Variants in DLG2 observed in about 807,000 individuals in gnomAD.
DLG2 encodes the protein disks large homolog 2.
Under a neutral mutation model 132.5 loss-of-function variants are expected in DLG2, and 45 were observed. The ratio of observed to expected loss-of-function variants is 0.34; its 90% CI spans 0.27 to 0.44. The LOEUF is 0.44. Among genes scored for constraint, DLG2 ranks in the 20% least tolerant of loss-of-function variants. DLG2 has a pLI of 1.00. For synonymous variants in DLG2, 424 were observed against 419.6 expected (o/e 1.01, Z -0.13); for missense variants, 1,045 against 1,196.9 (o/e 0.87, Z 1.87).
intron 8 of DLG2, among the ~76,000 whole-genome samples, chr11:84,238,324 G>T (rs2097185236): frequency 6.6e-6 from 1 of 152,074 alleles, no homozygotes; most frequent in Admixed American, 6.6e-5. Flanking sequence ...AGACCAGCCT[G>T]GGCAACATGG....
At chr11:83,781,158 C>T (rs986333592) in intron 18 of DLG2, among the ~76,000 whole-genome samples, 3 of 152,140 alleles carry the variant, frequency 2.0e-5, no homozygotes, top group African/African-American at 4.8e-5. Flanking sequence ...AGCTTACTCC[C>T]TCATTTCTTT....
chr11:83,527,719 GA>G (rs2095642895), intron 21 of DLG2, among the ~76,000 whole-genome samples: 1 of 151,520 alleles, frequency 6.6e-6, no homozygotes. Context: ...CAACATAAAA[GA>G]GACACACATT....
chr11:85,079,026 G>T (rs975807673), intron 6 of DLG2, among the ~76,000 whole-genome samples: 1 of 152,020 alleles, frequency 6.6e-6, no homozygotes, highest in African/African-American at 2.4e-5. Context: ...TGTTTTAGGG[G>T]GGGGGTCTGA....
chr11:83,576,269 C>A (rs1338090895), intron 19 of DLG2, among the ~76,000 whole-genome samples: 1 of 152,014 alleles, frequency 6.6e-6, no homozygotes, highest in Non-Finnish European at 1.5e-5. Flanking sequence ...GAGTATCAAC[C>A]AACTGTGAGA....
intron 4 of DLG2, among the ~76,000 whole-genome samples, chr11:85,259,177 G>A (rs183785299): frequency 5.6e-4 from 85 of 152,180 alleles, no homozygotes; most frequent in Non-Finnish European, 1.1e-3. Flanking sequence ...GTTTCTCATG[G>A]TTCATCACTG....
At chr11:85,224,206 T>C (rs1276641154) in intron 4 of DLG2, among the ~76,000 whole-genome samples, 1 of 152,188 alleles carries the variant, frequency 6.6e-6, no homozygotes, top group Non-Finnish European at 1.5e-5. Context: ...TTTCTAGAGC[T>C]ACAACTGCTT....
At chr11:85,359,816 A>C (rs921708481) in intron 3 of DLG2, among the ~76,000 whole-genome samples, 4 of 152,206 alleles carry the variant, frequency 2.6e-5, no homozygotes, top group African/African-American at 9.6e-5. Flanking sequence ...AGTAGAATAC[A>C]TTATAGCACA....
chr11:83,974,282 A>G (rs1430172681), intron 12 of DLG2, among the ~76,000 whole-genome samples: 1 of 152,068 alleles, frequency 6.6e-6, no homozygotes, highest in Non-Finnish European at 1.5e-5. Flanking sequence ...TAGATTTACC[A>G]AAAATAATAA....
chr11:85,503,426 C>G (rs915235023), intron 3 of DLG2, among the ~76,000 whole-genome samples: 1 of 152,020 alleles, frequency 6.6e-6, no homozygotes, highest in Non-Finnish European at 1.5e-5. Flanking sequence ...CCTGTTTTCC[C>G]ATATAACCTA....
chr11:84,555,275 T>C (rs2154524977), intron 6 of DLG2, among the ~76,000 whole-genome samples: 1 of 152,134 alleles, frequency 6.6e-6, no homozygotes, highest in East Asian at 1.9e-4. Flanking sequence ...CAATATTATC[T>C]AGCAAACCCA....
At chr11:83,733,961 A>G (rs1593295553) in intron 18 of DLG2, among the ~76,000 whole-genome samples, 1 of 118,000 alleles carries the variant, frequency 8.5e-6, no homozygotes, top group South Asian at 2.5e-4. Flanking sequence ...CTACTATTCC[A>G]CTCTGTATGT....
chr11:85,345,785 A>C (rs911188365), intron 3 of DLG2, among the ~76,000 whole-genome samples: 1 of 152,078 alleles, frequency 6.6e-6, no homozygotes, highest in Non-Finnish European at 1.5e-5. Flanking sequence ...ACCATTGAGA[A>C]TTGTTACCCC....
intron 8 of DLG2, among the ~76,000 whole-genome samples, chr11:84,174,013 C>CTTTT (rs2095881719): frequency 1.8e-4 from 2 of 11,314 alleles, no homozygotes; most frequent in Non-Finnish European, 4.8e-4. Flanking sequence ...CACCCCCCGG[C>CTTTT]CTTTTTTTTT....
intron 15 of DLG2, among the ~76,000 whole-genome samples, chr11:83,895,005 T>C (rs140964925): frequency 2.0e-5 from 3 of 152,276 alleles, no homozygotes; most frequent in South Asian, 2.1e-4. Context: ...CAATATGAAA[T>C]TGATTTGCAT....
chr11:85,407,493 T>C (rs550547479), intron 3 of DLG2, among the ~76,000 whole-genome samples: 1 of 151,868 alleles, frequency 6.6e-6, no homozygotes, highest in Admixed American at 6.6e-5. Context: ...ACCAAACAAC[T>C]GCTGTGTGTC....
chr11:85,050,043 A>G (rs2062745203), intron 6 of DLG2, among the ~76,000 whole-genome samples: 1 of 151,238 alleles, frequency 6.6e-6, no homozygotes, highest in South Asian at 2.1e-4. Flanking sequence ...AGTCTTTCCA[A>G]TTGTCAGAAC....
At position 83,607,251 on chromosome 11, in the gene DLG2, C is replaced by T. The variant is rs536055909; in HGVS notation, c.1940+25960G>A. On this transcript the variant is annotated intron_variant, in intron 19 of 27. Transcript: ENST00000376104. ...AGGCTATGGTCTGTTTACACCTCCA[C>T]TTGTTATAGTTCACGATGTACAGAG... Among the ~76,000 whole-genome samples the T allele has an allele frequency of 3.3e-5, 5 of 152,364 alleles. 1 individual carries two copies. The highest frequency in any genetic ancestry group is 6.8e-3 in the Middle Eastern group (2 of 294).
intron 6 of DLG2, among the ~76,000 whole-genome samples, chr11:84,598,420 C>G (rs369937389): frequency 2.0e-5 from 3 of 152,162 alleles, no homozygotes; most frequent in Non-Finnish European, 4.4e-5. Flanking sequence ...CCCAAGGTGG[C>G]TCCACTTTGC....
At position 83,699,937 on chromosome 11, in the gene DLG2, GCACACA is replaced by G. The variant is rs140957816; in HGVS notation, c.1826-66618_1826-66613del. Among the ~76,000 whole-genome samples the G allele has an allele frequency of 1.3e-3, 182 of 142,364 alleles. 1 individual carries two copies. Among genetic ancestry groups the G allele is most frequent in the South Asian group, 3.8e-3 (17 of 4,476 alleles). 93.4% of individuals were successfully genotyped at this position (142,364 alleles called of 152,430 possible). ...TCTTATCTATCCCCCCACCACACATGCACACACACACACACACACACACACACAAAT... is the reference window on the plus strand; with the variant it reads ...TCTTATCTATCCCCCCACCACACATGCACACACACACACACACACACAAAT... On this transcript the variant is annotated intron_variant, in intron 18 of 27. Transcript: ENST00000376104.
Sources: gnomAD v4.1 joint callset for allele counts (sites outside exome capture counted in the v4.1 genomes callset) on GRCh38, gnomAD v4.1.1 for gene constraint, MANE v1.5 for transcripts, NCBI Gene and HGNC (gene_info 2026-07-23, HGNC 2026-07-21) for gene names.